Variants in RDX observed in about 807,000 individuals in gnomAD.
The protein encoded by RDX is radixin, also known as deafness, autosomal recessive 24.
RDX carries 32 observed loss-of-function variants against 83.7 expected under a neutral mutation model. The ratio of observed to expected loss-of-function variants is 0.38; its 90% CI spans 0.29 to 0.51. RDX has a LOEUF of 0.51. Among genes scored for constraint, RDX ranks in the 20% least tolerant of loss-of-function variants. The probability of loss-of-function intolerance (pLI) is 0.87; values close to 1 mark genes in which losing one functional copy is unlikely to be tolerated. For missense variants in RDX, 600 were observed against 689.9 expected (o/e 0.87, Z 1.46); for synonymous variants, 229 against 222.7 (o/e 1.03, Z -0.25).
At chr11:110,201,976 T>C (rs1420411662) in intron 14 of RDX, among the ~76,000 whole-genome samples, 1 of 150,928 alleles carries the variant, frequency 6.6e-6, no homozygotes, top group African/African-American at 2.4e-5. Context: ...AGTTAAGGTT[T>C]CCCCATGTTG....
At chr11:110,175,098 A>C (rs1162819266) in exon 16 of RDX, 5 of 152,194 alleles carry the variant, frequency 3.3e-5, no homozygotes, top group Admixed American at 6.5e-5. Context: ...AGGCCAGCTG[A>C]CCAGGGTTCA....
intron 14 of RDX, among the ~76,000 whole-genome samples, chr11:110,219,602 T>C (rs1367252668): frequency 2.6e-5 from 4 of 152,180 alleles, no homozygotes; most frequent in African/African-American, 9.7e-5. Flanking sequence ...TCTTGAATGC[T>C]GGGCCAACAG....
chr11:110,204,709 G>A (rs1040710467), intron 14 of RDX, among the ~76,000 whole-genome samples: 1 of 151,962 alleles, frequency 6.6e-6, no homozygotes, highest in South Asian at 2.1e-4. Context: ...TAGAGACGGG[G>A]CTTTACCATG....
chr11:110,253,684 A>G (rs951414989), intron 9 of RDX, among the ~76,000 whole-genome samples: 6 of 152,160 alleles, frequency 3.9e-5, no homozygotes, highest in African/African-American at 4.8e-5. Context: ...TCAAACTACT[A>G]TATCTAAAAC....
intron 1 of RDX, among the ~76,000 whole-genome samples, chr11:110,282,044 T>C (rs1841844): frequency 0.39 from 57,975 of 150,572 alleles, 11,216 homozygotes; most frequent in East Asian, 0.51. Flanking sequence ...TGAGCTGAGA[T>C]CACCAATGCA....
At chr11:110,199,739 G>A in intron 14 of RDX, 1 of 702,748 alleles carries the variant, frequency 1.4e-6, no homozygotes, top group South Asian at 1.5e-5. Flanking sequence ...GTAGGAAGCT[G>A]AATGGGCAGG....
intron 1 of RDX, among the ~76,000 whole-genome samples, chr11:110,284,514 G>GGTA (rs1485070414): frequency 7.6e-6 from 1 of 132,336 alleles, no homozygotes. Flanking sequence ...GAAAAACACA[G>GGTA]GTATTATTAT....
exon 15 of RDX, chr11:110,199,597 C>G: frequency 1.4e-6 from 1 of 702,988 alleles, no homozygotes; most frequent in Non-Finnish European, 2.6e-6. Flanking sequence ...AGGGAGGGAG[C>G]CTTCTTCCTA....
chr11:110,201,349 T>C (rs997132334), intron 14 of RDX, among the ~76,000 whole-genome samples: 1 of 151,958 alleles, frequency 6.6e-6, no homozygotes, highest in Non-Finnish European at 1.5e-5. Flanking sequence ...TTCATGAAAA[T>C]AATGAGAAAA....
chr11:110,205,153 T>C (rs1267280157), intron 14 of RDX, among the ~76,000 whole-genome samples: 1 of 152,000 alleles, frequency 6.6e-6, no homozygotes, highest in Non-Finnish European at 1.5e-5. Flanking sequence ...GATGAACTGT[T>C]AAATAAAGTA....
chr11:110,294,823 T>C (rs1402849675), intron 1 of RDX, among the ~76,000 whole-genome samples: 3 of 152,198 alleles, frequency 2.0e-5, no homozygotes, highest in Non-Finnish European at 4.4e-5. Flanking sequence ...TACTCTTCCA[T>C]GTGTGGGGAT....
At chr11:110,179,742 AGCCTGG>A (rs1389676513) in intron 15 of RDX, 8 of 286,000 alleles carry the variant, frequency 2.8e-5, no homozygotes, top group East Asian at 1.7e-4. Flanking sequence ...ACTGTACTCC[AGCCTGG>A]GCAACAGAGC....
intron 9 of RDX, among the ~76,000 whole-genome samples, chr11:110,249,970 C>T (rs539589945): frequency 6.6e-6 from 1 of 152,294 alleles, no homozygotes; most frequent in South Asian, 2.1e-4. Flanking sequence ...GGTACTTTCG[C>T]AACAGCAAGG....
intron 1 of RDX, among the ~76,000 whole-genome samples, chr11:110,286,252 G>A (rs1860975032): frequency 6.6e-6 from 1 of 152,148 alleles, no homozygotes; most frequent in Non-Finnish European, 1.5e-5. Context: ...AGTCATGGCA[G>A]CAACATACCC....
At chr11:110,228,582 CTAAT>C (rs1469771579), downstream of RDX, among the ~76,000 whole-genome samples, 2 of 151,948 alleles carry the variant, frequency 1.3e-5, no homozygotes, top group African/African-American at 4.8e-5. Context: ...ACTTTTAAGA[CTAAT>C]TGTTTTTATT....
intron 3 of RDX, among the ~76,000 whole-genome samples, chr11:110,265,266 A>G (rs1859990070): frequency 6.6e-6 from 1 of 151,602 alleles, no homozygotes; most frequent in Admixed American, 6.6e-5. Context: ...AATTTTTTGT[A>G]TTTTTAGTAG....
intron 12 of RDX, among the ~76,000 whole-genome samples, chr11:110,234,508 A>T (rs1297566416): frequency 1.3e-5 from 2 of 152,208 alleles, no homozygotes; most frequent in African/African-American, 2.4e-5. Flanking sequence ...ATAAACAGGA[A>T]GTATCCTGGA....
chr11:110,263,495 C>T (rs1859884311), intron 5 of RDX: 1 of 155,060 alleles, frequency 6.4e-6, no homozygotes, highest in Admixed American at 6.4e-5. Flanking sequence ...GCATATAAAT[C>T]TATGGAGGTG....
intron 9 of RDX, among the ~76,000 whole-genome samples, chr11:110,248,072 G>A (rs1859187745): frequency 1.3e-5 from 2 of 152,110 alleles, no homozygotes; most frequent in Admixed American, 1.3e-4. Flanking sequence ...CGACTTTGGT[G>A]ACTTGAGAAG....
Sources: gnomAD v4.1 joint callset for allele counts (sites outside exome capture counted in the v4.1 genomes callset) on GRCh38, gnomAD v4.1.1 for gene constraint, MANE v1.5 for transcripts, NCBI Gene and HGNC (gene_info 2026-07-23, HGNC 2026-07-21) for gene names.